NDUFA9: variants seen among roughly 807,000 people sequenced by gnomAD.
The protein encoded by NDUFA9 is NADH dehydrogenase [ubiquinone] 1 alpha subcomplex subunit 9, mitochondrial.
Under a neutral mutation model 45.9 loss-of-function variants are expected in NDUFA9, and 23 were observed. The ratio of observed to expected loss-of-function variants is 0.50; its 90% CI spans 0.36 to 0.71. The LOEUF (loss-of-function observed/expected upper bound fraction) is 0.71. NDUFA9 is among the 30% of genes least tolerant of loss of function. The pLI, the probability that NDUFA9 is intolerant of heterozygous loss-of-function variation, is 0.00. For synonymous variants in NDUFA9, 176 were observed against 170.5 expected, an observed-to-expected ratio of 1.03 and a Z score of -0.25; for missense variants, 466 against 488.2, an observed-to-expected ratio of 0.95 and a Z score of 0.43.
rs918347457 is a variant in NDUFA9, at chr12:4,687,479, A to T, written c.*371A>T. 1 of 160,616 alleles carries T rather than the reference A, an allele frequency of 6.2e-6. No homozygotes were observed. Among genetic ancestry groups the T allele is most frequent in the Admixed American group, 6.3e-5 (1 of 15,830 alleles). The allele number at this position is 160,616 out of a possible 1,614,324, so 9.9% of individuals were successfully genotyped here. A position where few individuals can be genotyped will look rare whatever the true frequency, so the allele number is the denominator to read the frequency against. On this transcript the variant is annotated 3_prime_UTR_variant, in exon 11 of 11. Coordinates refer to ENST00000266544, the MANE Select transcript of NDUFA9 (RefSeq NM_005002.5). Reference sequence around the variant, plus strand: ...TGTGATTGTTTTTTAATTTCCATTAAATGAGAGAGCATACAGTATCCCCTA... The same window carrying T: ...TGTGATTGTTTTTTAATTTCCATTATATGAGAGAGCATACAGTATCCCCTA...
At chr12:4,678,833 A>C (rs1945936131) in intron 8 of NDUFA9, among the ~76,000 whole-genome samples, 1 of 152,158 alleles carries the variant, frequency 6.6e-6, no homozygotes, top group Non-Finnish European at 1.5e-5. Context: ...AGGGGTGTAA[A>C]ATTGTATAGC....
rs1016333316 is a variant in NDUFA9, at chr12:4,687,561, T to G, written c.*453T>G. On this transcript the variant is annotated 3_prime_UTR_variant, in exon 11 of 11. Coordinates refer to ENST00000266544, the MANE Select transcript of NDUFA9 (RefSeq NM_005002.5). Reference sequence around the variant, plus strand: ...AAAATTTATTTTAATAATGTCCATATGCCTTTTAAAAATAGTAGTACATAT... The same window carrying G: ...AAAATTTATTTTAATAATGTCCATAGGCCTTTTAAAAATAGTAGTACATAT... 2.0e-5 allele frequency: 3 copies of G among 152,616 alleles called. No homozygotes were observed. The highest frequency in any genetic ancestry group is 7.2e-5 in the African/African-American group (3 of 41,454). 9.5% of individuals were successfully genotyped at this position (152,616 alleles called of 1,614,324 possible).
In NDUFA9 at chr12:4,689,839, C is replaced by T. The variant is rs1009107035; in HGVS notation, c.*2731C>T. On this transcript the variant is annotated 3_prime_UTR_variant, in exon 11 of 11. Transcript: ENST00000266544. Reference sequence around the variant, plus strand: ...TACACCTCCCAGACGTGGTGGTGGCCGGGCAGAGGGGCTCCTCACTTCCCA... The same window carrying T: ...TACACCTCCCAGACGTGGTGGTGGCTGGGCAGAGGGGCTCCTCACTTCCCA... The T allele has an allele frequency of 1.2e-4, 21 of 168,632 alleles. No individual in the cohort carries two copies. Among genetic ancestry groups the T allele is most frequent in the South Asian group, 1.6e-4 (1 of 6,338 alleles). 10.4% of individuals were successfully genotyped at this position (168,632 alleles called of 1,614,324 possible).
chr12:4,655,511 AAAT>A (rs1945784691), intron 3 of NDUFA9: 1 of 152,240 alleles, frequency 6.6e-6, no homozygotes, highest in African/African-American at 2.4e-5. Flanking sequence ...TTACATATTA[AAAT>A]AATATTTTGG....
chr12:4,680,969 A>G (rs1945948799), intron 8 of NDUFA9, among the ~76,000 whole-genome samples: 1 of 152,242 alleles, frequency 6.6e-6, no homozygotes, highest in Non-Finnish European at 1.5e-5. Context: ...GTCCCATTAT[A>G]TGTAAGGATA....
chr12:4,663,901 T>C (rs1355364528), intron 6 of NDUFA9, among the ~76,000 whole-genome samples: 1 of 151,966 alleles, frequency 6.6e-6, no homozygotes, highest in Non-Finnish European at 1.5e-5. Flanking sequence ...TGGAAATGAG[T>C]AAGATGTCAT....
intron 5 of NDUFA9, among the ~76,000 whole-genome samples, chr12:4,660,277 C>G (rs1428586434): frequency 6.6e-6 from 1 of 152,216 alleles, no homozygotes; most frequent in African/African-American, 2.4e-5. Flanking sequence ...GTTGCAACTT[C>G]AGCACCAGTA....
At chr12:4,656,011 C>T (rs1385955198) in intron 3 of NDUFA9, 1 of 151,574 alleles carries the variant, frequency 6.6e-6, no homozygotes, top group Non-Finnish European at 1.5e-5. Flanking sequence ...AGCTGACTTC[C>T]TACTTGTGTT....
intron 10 of NDUFA9, 100 bp from the exon 11 acceptor site, chr12:4,686,838 A>G: frequency 1.8e-6 from 2 of 1,136,358 alleles, no homozygotes; most frequent in Non-Finnish European, 2.5e-6. Context: ...AGTCTCAATA[A>G]TAGGACTCAT....
intron 8 of NDUFA9, among the ~76,000 whole-genome samples, chr12:4,672,203 G>C (rs1369475091): frequency 6.6e-6 from 1 of 152,210 alleles, no homozygotes; most frequent in Non-Finnish European, 1.5e-5. Context: ...CTCTGGCCCA[G>C]ATACTGCGCT....
chr12:4,685,680 TGAAGAAA>T (rs1945981968), intron 10 of NDUFA9, among the ~76,000 whole-genome samples: 1 of 30,020 alleles, frequency 3.3e-5, no homozygotes, highest in Non-Finnish European at 1.3e-4. Flanking sequence ...CCTAACGTCC[TGAAGAAA>T]CTGTTGACAG....
chr12:4,680,818 C>G (rs1050851427), intron 8 of NDUFA9, among the ~76,000 whole-genome samples: 2 of 152,156 alleles, frequency 1.3e-5, no homozygotes, highest in Non-Finnish European at 2.9e-5. Context: ...CACAGATTTA[C>G]TGTCATGAAG....
Position 4,691,165 on chromosome 12 carries a change from G to A in NDUFA9, c.*4057G>A, listed in dbSNP as rs931311027. 1 of 152,126 alleles carries A rather than the reference G, an allele frequency of 6.6e-6. No homozygotes were observed. Among genetic ancestry groups the A allele is most frequent in the African/African-American group, 2.4e-5 (1 of 41,420 alleles). The allele number at this position is 152,126 out of a possible 1,614,324, so 9.4% of individuals were successfully genotyped here. A position where few individuals can be genotyped will look rare whatever the true frequency, so the allele number is the denominator to read the frequency against. ...TCAGTTTTCTTGTTTATAAAATGGG[G>A]GTGATAGTAATAACTACATGATGGG... is the stretch of plus-strand genomic sequence containing the variant. On this transcript the variant is annotated 3_prime_UTR_variant, in exon 11 of 11. Coordinates refer to ENST00000266544, the MANE Select transcript of NDUFA9 (RefSeq NM_005002.5).
intron 8 of NDUFA9, among the ~76,000 whole-genome samples, chr12:4,681,621 A>G (rs909617803): frequency 1.3e-5 from 2 of 149,494 alleles, no homozygotes; most frequent in African/African-American, 2.4e-5. Flanking sequence ...AAAATGTTAT[A>G]TACTTAACAT....
Position 4,688,846 on chromosome 12 carries a change from C to T in NDUFA9, c.*1738C>T, listed in dbSNP as rs1429021091. The T allele has an allele frequency of 1.3e-5, 2 of 152,208 alleles. No homozygotes were observed. Among genetic ancestry groups the T allele is most frequent in the Non-Finnish European group, 2.9e-5 (2 of 68,046 alleles). The allele number at this position is 152,208 out of a possible 1,614,324, so 9.4% of individuals were successfully genotyped here. ...GCTGTCTGTTATTTTGGATGACACC[C>T]CTCCTGGCCATAAGCCAGCCATTAG... On this transcript the variant is annotated 3_prime_UTR_variant, in exon 11 of 11. Coordinates refer to ENST00000266544, the MANE Select transcript of NDUFA9 (RefSeq NM_005002.5).
chr12:4,685,392 C>T, intron 10 of NDUFA9, 67 bp downstream of exon 10: 1 of 1,444,492 alleles, frequency 6.9e-7, no homozygotes, highest in Admixed American at 1.7e-5. Flanking sequence ...TTTGCTTTGC[C>T]TGCTTGCTTG....
chr12:4,654,755 C>A, intron 2 of NDUFA9, 70 bp from the exon 3 acceptor site: 1 of 1,215,676 alleles, frequency 8.2e-7, no homozygotes, highest in Non-Finnish European at 1.2e-6. Context: ...AAATATTTAC[C>A]AAGTCACAAT....
chr12:4,659,685 A>T (rs1945812792), intron 5 of NDUFA9, among the ~76,000 whole-genome samples: 1 of 152,174 alleles, frequency 6.6e-6, no homozygotes, highest in South Asian at 2.1e-4. Context: ...CTAGAGACTG[A>T]CCACTGTAGT....
intron 8 of NDUFA9, 81 bp from the exon 9 acceptor site, chr12:4,682,122 TTA>T: frequency 9.3e-7 from 1 of 1,077,352 alleles, no homozygotes; most frequent in South Asian, 1.6e-5. Flanking sequence ...GTTTCCTTTT[TTA>T]TAAGGAAAAT....
Sources: gnomAD v4.1 joint callset for allele counts (sites outside exome capture counted in the v4.1 genomes callset) on GRCh38, gnomAD v4.1.1 for gene constraint, MANE v1.5 for transcripts, NCBI Gene and HGNC (gene_info 2026-07-23, HGNC 2026-07-21) for gene names.